CA12: variants seen among roughly 807,000 people sequenced by gnomAD.
CA12 encodes the protein carbonic anhydrase 12, also known as carbonate dehydratase XII.
In CA12, 36 loss-of-function variants were observed where a neutral mutation model predicts 46.8. The observed-to-expected ratio is 0.77, with a 90% CI of 0.59 to 1.02. CA12 has a LOEUF of 1.02. Ranked by LOEUF, CA12 falls within the 50% of genes least tolerant of loss-of-function variation. The probability of loss-of-function intolerance (pLI) is 0.00; values close to 1 mark genes in which losing one functional copy is unlikely to be tolerated. For missense variants in CA12, 436 were observed against 451.4 expected, an observed-to-expected ratio of 0.97 and a Z score of 0.31; for synonymous variants, 202 against 187.0, an observed-to-expected ratio of 1.08 and a Z score of -0.65.
At chr15:63,346,039 G>A (rs970730097) in intron 3 of CA12, among the ~76,000 whole-genome samples, 5 of 152,114 alleles carry the variant, frequency 3.3e-5, no homozygotes, top group African/African-American at 9.7e-5. Context: ...AGACCCCAAC[G>A]TACATAATCT....
intron 2 of CA12, among the ~76,000 whole-genome samples, chr15:63,349,812 T>C (rs1225664994): frequency 6.6e-6 from 1 of 152,108 alleles, no homozygotes; most frequent in East Asian, 1.9e-4. Context: ...TCGCTGCACT[T>C]CCCACAGTGC....
intron 4 of CA12, among the ~76,000 whole-genome samples, chr15:63,343,279 CTTTTTTT>C (rs35290345): frequency 4.0e-5 from 4 of 98,782 alleles, no homozygotes; most frequent in Middle Eastern, 8.2e-3. Flanking sequence ...TAGAAAGAAT[CTTTTTTT>C]TTTTTTTTTT....
chr15:63,369,743 T>G (rs1287187565), intron 2 of CA12, among the ~76,000 whole-genome samples: 2 of 152,206 alleles, frequency 1.3e-5, no homozygotes, highest in Admixed American at 1.3e-4. Context: ...AGACAGAAAG[T>G]GGCCTAGCAG....
At chr15:63,371,583 C>A (rs923791603) in intron 2 of CA12, among the ~76,000 whole-genome samples, 1 of 152,210 alleles carries the variant, frequency 6.6e-6, no homozygotes, top group Non-Finnish European at 1.5e-5. Context: ...TAGGGGTTGG[C>A]GCACCCTCCA....
In CA12 at chr15:63,372,587, C is replaced by A. The variant is rs1192877367; in HGVS notation, c.106+3071G>T. Among the ~76,000 whole-genome samples, 1 of 152,238 alleles carries A rather than the reference C, an allele frequency of 6.6e-6. No homozygotes were observed. Among genetic ancestry groups the A allele is most frequent in the East Asian group, 1.9e-4 (1 of 5,202 alleles). ...TGAGTTCTGCACATGAGCCACCATG[C>A]CCAGCACGGAGCCTTTGGTTGGACT... On this transcript the variant is annotated intron_variant, in intron 2 of 10. Coordinates refer to ENST00000178638, the MANE Select transcript of CA12 (RefSeq NM_001218.5). This position sits in a 1 kb window ranked among gnomAD's most constrained non-coding sequence, Gnocchi z 4.5.
chr15:63,366,957 T>C (rs2039442380), intron 2 of CA12, among the ~76,000 whole-genome samples: 1 of 152,220 alleles, frequency 6.6e-6, no homozygotes, highest in Admixed American at 6.5e-5. Flanking sequence ...ACTCTTGCTT[T>C]GTCGCCCAGA....
intron 2 of CA12, among the ~76,000 whole-genome samples, chr15:63,353,760 T>C (rs2039262774): frequency 1.3e-5 from 2 of 152,186 alleles, no homozygotes. Context: ...TTGCCCAGGC[T>C]GGTCTCAGAC....
chr15:63,354,565 CA>C (rs1011492009), intron 2 of CA12, among the ~76,000 whole-genome samples: 1 of 151,770 alleles, frequency 6.6e-6, no homozygotes, highest in African/African-American at 2.4e-5. Flanking sequence ...CTCTAAACAA[CA>C]AAAAAAGTGG....
chr15:63,333,689 G>A (rs2038963968), intron 8 of CA12, among the ~76,000 whole-genome samples: 1 of 152,194 alleles, frequency 6.6e-6, no homozygotes, highest in East Asian at 1.9e-4. Flanking sequence ...AGCCATGTCT[G>A]ATTTCCTTCT....
In CA12 at chr15:63,347,418, A is replaced by T. The variant is rs139133440; in HGVS notation, c.107-709T>A. Among the ~76,000 whole-genome samples the T allele has an allele frequency of 3.5e-4, 54 of 152,316 alleles. 1 individual carries two copies. In the Middle Eastern group the frequency reaches 0.01, roughly 29 times the overall value. On this transcript the variant is annotated intron_variant, in intron 2 of 10. Transcript: ENST00000178638. ...TGATAGGGATGATTGACAAATGTTA[A>T]ATAATTATAGGCCTGGAATCACAGA...
chr15:63,353,866 A>T (rs746218891), intron 2 of CA12, among the ~76,000 whole-genome samples: 5 of 152,312 alleles, frequency 3.3e-5, no homozygotes, highest in Non-Finnish European at 7.3e-5. Context: ...CATTTTAAAA[A>T]CATGTTTAAA....
rs1402116490 is a variant in CA12, at chr15:63,340,623, C to G, written c.589+97G>C. 2 of 1,415,930 alleles carry G rather than the reference C, an allele frequency of 1.4e-6. No individual in the cohort carries two copies. The highest frequency in any genetic ancestry group is 2.3e-5 in the East Asian group (1 of 43,978). The allele number at this position is 1,415,930 out of a possible 1,614,324, so 87.7% of individuals were successfully genotyped here. On this transcript the variant is annotated intron_variant, in intron 6 of 10. Coordinates refer to ENST00000178638, the MANE Select transcript of CA12 (RefSeq NM_001218.5). This position sits in a 1 kb window ranked among gnomAD's most constrained non-coding sequence, Gnocchi z 4.4. Reference sequence around the variant, plus strand: ...CTGCTCTTAACCTGGTGAACACAGACAGCACCTGCCCCTTGTGTTTGCTTT... The same window carrying G: ...CTGCTCTTAACCTGGTGAACACAGAGAGCACCTGCCCCTTGTGTTTGCTTT...
intron 2 of CA12, among the ~76,000 whole-genome samples, chr15:63,356,800 C>T (rs184231943): frequency 4.5e-4 from 68 of 152,290 alleles, no homozygotes; most frequent in South Asian, 3.9e-3. Flanking sequence ...TGAGCCAACA[C>T]GCCTGGCCTG....
intron 2 of CA12, among the ~76,000 whole-genome samples, chr15:63,368,297 T>A (rs1297326662): frequency 2.0e-5 from 3 of 152,216 alleles, no homozygotes. Flanking sequence ...CCTGGTGGTG[T>A]GGCCCCTGGA....
At chr15:63,344,342 G>T (rs1003022156) in intron 4 of CA12, among the ~76,000 whole-genome samples, 1 of 152,244 alleles carries the variant, frequency 6.6e-6, no homozygotes, top group Non-Finnish European at 1.5e-5. Context: ...TTTGTAGAAA[G>T]GCACAGACTT....
At position 63,364,499 on chromosome 15, in the gene CA12, T is replaced by G. The variant is rs146533734; in HGVS notation, c.106+11159A>C. On this transcript the variant is annotated intron_variant, in intron 2 of 10. Coordinates refer to ENST00000178638, the MANE Select transcript of CA12 (RefSeq NM_001218.5). ...GGTCCCAGTTAAACTGTACAGGAGA[T>G]GCAGCTGGGAGTATGTGTGAGTACA... Among the ~76,000 whole-genome samples, 223 of 152,148 alleles carry G rather than the reference T, an allele frequency of 1.5e-3. 2 individuals carry two copies. The highest frequency in any genetic ancestry group is 5.3e-3 in the African/African-American group (218 of 41,518).
At chr15:63,359,892 G>A (rs1012137480) in intron 2 of CA12, among the ~76,000 whole-genome samples, 12 of 152,090 alleles carry the variant, frequency 7.9e-5, no homozygotes, top group African/African-American at 2.9e-4. Context: ...CCACAACAGT[G>A]CACACCAGAT....
chr15:63,381,598 C>G, intron 1 of CA12, 38 bp downstream of exon 1: 1 of 1,568,798 alleles, frequency 6.4e-7, no homozygotes, highest in Non-Finnish European at 8.7e-7. Context: ...CGGCTGAGCG[C>G]TCAGGAGTGT....
intron 2 of CA12, among the ~76,000 whole-genome samples, chr15:63,353,702 T>C (rs909808436): frequency 5.9e-5 from 9 of 152,122 alleles, no homozygotes; most frequent in Admixed American, 5.2e-4. Flanking sequence ...CTCAGGATGG[T>C]GTCTGCATGT....
Sources: gnomAD v4.1 joint callset for allele counts (sites outside exome capture counted in the v4.1 genomes callset) on GRCh38, gnomAD v4.1.1 for gene constraint, Gnocchi (gnomAD v3.1) non-coding constraint, MANE v1.5 for transcripts, NCBI Gene and HGNC (gene_info 2026-07-23, HGNC 2026-07-21) for gene names.